Variants in BCKDHB observed in about 807,000 individuals in gnomAD.
BCKDHB encodes the protein branched chain keto acid dehydrogenase E1 subunit beta.
In BCKDHB, 41 loss-of-function variants were observed where a neutral mutation model predicts 48.5. That is an observed-to-expected ratio of 0.85 (90% CI 0.66 to 1.10). The LOEUF (loss-of-function observed/expected upper bound fraction) is 1.10, where lower values mean the gene tolerates loss of function less well. Ranked by LOEUF, BCKDHB falls within the 50% of genes least tolerant of loss-of-function variation. The probability of loss-of-function intolerance (pLI) is 0.00; values close to 1 mark genes in which losing one functional copy is unlikely to be tolerated. For synonymous variants in BCKDHB, 201 were observed against 174.8 expected (o/e 1.15, Z -1.18); for missense variants, 496 against 494.2 (o/e 1.00, Z -0.03).
chr6:80,419,019 T>G, the BCKDHB span, among the ~76,000 whole-genome samples: 1 of 152,216 alleles, frequency 6.6e-6, no homozygotes, highest in African/African-American at 2.4e-5. Context: ...CAGAATCTGC[T>G]GTTCTCTGTG....
At chr6:80,406,609 A>G in the BCKDHB span, among the ~76,000 whole-genome samples, 1 of 152,230 alleles carries the variant, frequency 6.6e-6, no homozygotes, top group African/African-American at 2.4e-5. Flanking sequence ...ATGACCAGTG[A>G]TGATGAGCAT....
At chr6:80,152,501 T>A (rs1157205670) in intron 3 of BCKDHB, among the ~76,000 whole-genome samples, 1 of 152,142 alleles carries the variant, frequency 6.6e-6, no homozygotes, top group South Asian at 2.1e-4. Context: ...AGAGTTTAAT[T>A]TAAGCTTAAC....
chr6:80,129,012 A>T (rs1183538853), intron 2 of BCKDHB, 149 bp from the exon 3 acceptor site: 4 of 639,234 alleles, frequency 6.3e-6, no homozygotes, highest in Non-Finnish European at 1.1e-5. Flanking sequence ...AAATGTCAAT[A>T]ATGTAGAAGT....
intron 3 of BCKDHB, among the ~76,000 whole-genome samples, chr6:80,151,810 A>T (rs1215717480): frequency 6.6e-6 from 1 of 152,208 alleles, no homozygotes; most frequent in Non-Finnish European, 1.5e-5. Context: ...TAGGCAGGTT[A>T]ATTGAAATTG....
intron 1 of BCKDHB, among the ~76,000 whole-genome samples, chr6:80,107,836 T>A (rs1275574749): frequency 6.6e-6 from 1 of 152,110 alleles, no homozygotes; most frequent in African/African-American, 2.4e-5. Flanking sequence ...TTCTGCAAGT[T>A]TCATGTAATG....
At chr6:80,200,477 TA>T (rs1435595972) in intron 6 of BCKDHB, among the ~76,000 whole-genome samples, 1 of 152,352 alleles carries the variant, frequency 6.6e-6, no homozygotes, top group South Asian at 2.1e-4. Context: ...TTCAGTTTAA[TA>T]AAGTTTTATC....
At chr6:80,265,121 G>A (rs9341810) in intron 8 of BCKDHB, among the ~76,000 whole-genome samples, 57,097 of 151,922 alleles carry the variant, frequency 0.38, 12,305 homozygotes, top group East Asian at 0.56. Flanking sequence ...ATGTAAAATG[G>A]TATAGCCTCT....
intron 3 of BCKDHB, among the ~76,000 whole-genome samples, chr6:80,152,160 CTT>C (rs5877696): frequency 1.9e-4 from 28 of 148,116 alleles, no homozygotes; most frequent in East Asian, 1.4e-3. Flanking sequence ...TTTTTGTATT[CTT>C]TTTTTTTTTA....
intron 9 of BCKDHB, among the ~76,000 whole-genome samples, chr6:80,287,533 C>G (rs1766685141): frequency 6.6e-6 from 1 of 151,278 alleles, no homozygotes; most frequent in African/African-American, 2.4e-5. Flanking sequence ...GGTCCAGGTT[C>G]TTGTCTCCCA....
chr6:80,345,243 A>T lies in BCKDHB; in HGVS notation c.*1439A>T, dbSNP rs1028056792. The T allele has an allele frequency of 6.6e-6, 1 of 152,220 alleles. No individual in the cohort carries two copies. 9.4% of individuals were successfully genotyped at this position (152,220 alleles called of 1,614,324 possible). ...GATTTTGAAATGTTTCAAAATGAGT[A>T]GATATGATTAGATCCTTTACCTTTT... On this transcript the variant is annotated 3_prime_UTR_variant, in exon 10 of 10. Transcript: ENST00000320393.
chr6:80,238,184 G>A (rs1395406818), intron 8 of BCKDHB, among the ~76,000 whole-genome samples: 2 of 152,116 alleles, frequency 1.3e-5, no homozygotes, highest in African/African-American at 4.8e-5. Context: ...AGCAACCTCC[G>A]CCTCCTGGGT....
At chr6:80,278,467 A>G (rs1370536600) in intron 9 of BCKDHB, among the ~76,000 whole-genome samples, 2 of 152,106 alleles carry the variant, frequency 1.3e-5, no homozygotes, top group African/African-American at 4.8e-5. Context: ...AATCCATGTT[A>G]TACTCTGTTG....
chr6:80,240,572 C>T (rs113792201), intron 8 of BCKDHB, among the ~76,000 whole-genome samples: 10,816 of 152,106 alleles, frequency 0.071, 565 homozygotes, highest in South Asian at 0.24. Flanking sequence ...TGGGCTGAGA[C>T]GATGGGGTTT....
At chr6:80,132,871 A>C (rs1770698528) in intron 3 of BCKDHB, among the ~76,000 whole-genome samples, 1 of 152,212 alleles carries the variant, frequency 6.6e-6, no homozygotes, top group Non-Finnish European at 1.5e-5. Context: ...TTGCATATTT[A>C]AAAAGTAACA....
the BCKDHB span, among the ~76,000 whole-genome samples, chr6:80,386,727 A>AT: frequency 7.1e-6 from 1 of 140,514 alleles, no homozygotes; most frequent in Non-Finnish European, 1.6e-5. Context: ...AGGCTAATTA[A>AT]TCATGGTGTT....
the BCKDHB span, among the ~76,000 whole-genome samples, chr6:80,404,611 G>A: frequency 1.3e-5 from 2 of 151,738 alleles, no homozygotes; most frequent in East Asian, 1.9e-4. Flanking sequence ...CTAATTGTGA[G>A]CTTAGTTTGT....
At chr6:80,137,919 C>G (rs1770972225) in intron 3 of BCKDHB, among the ~76,000 whole-genome samples, 1 of 151,422 alleles carries the variant, frequency 6.6e-6, no homozygotes, top group Non-Finnish European at 1.5e-5. Flanking sequence ...TGACCCCACC[C>G]CTACAAAAAA....
intron 1 of BCKDHB, among the ~76,000 whole-genome samples, chr6:80,126,258 A>G (rs903566043): frequency 1.3e-5 from 2 of 152,146 alleles, no homozygotes; most frequent in African/African-American, 4.8e-5. Context: ...TCAGAGAGAC[A>G]TTAGATGCCA....
chr6:80,243,300 A>T (rs1776466804), intron 8 of BCKDHB, among the ~76,000 whole-genome samples: 1 of 152,156 alleles, frequency 6.6e-6, no homozygotes, highest in Admixed American at 6.5e-5. Flanking sequence ...AGATAAACCC[A>T]AAGGTAGGAG....
Sources: allele counts gnomAD v4.1 joint callset (sites outside exome capture counted in the v4.1 genomes callset), GRCh38; gene constraint gnomAD v4.1.1; transcripts MANE v1.5; gene names NCBI Gene and HGNC (gene_info 2026-07-23, HGNC 2026-07-21).